Variants in NELL1 observed in about 807,000 individuals in gnomAD.
NELL1 encodes the protein neural EGFL like 1.
Under a neutral mutation model 107.4 loss-of-function variants are expected in NELL1, and 76 were observed. The ratio of observed to expected loss-of-function variants is 0.71; its 90% CI spans 0.59 to 0.86. NELL1 has a LOEUF of 0.86. Among genes scored for constraint, NELL1 ranks in the 40% least tolerant of loss-of-function variants. The pLI, the probability that NELL1 is intolerant of heterozygous loss-of-function variation, is 0.00. For synonymous variants in NELL1, 353 were observed against 341.2 expected, an observed-to-expected ratio of 1.03 and a Z score of -0.38; for missense variants, 1,024 against 1,005.5, an observed-to-expected ratio of 1.02 and a Z score of -0.25.
chr11:20,734,299 T>C (rs1006246932), intron 2 of NELL1, among the ~76,000 whole-genome samples: 3 of 152,168 alleles, frequency 2.0e-5, no homozygotes, highest in Non-Finnish European at 4.4e-5. Context: ...TTGTTTTCCA[T>C]GGGTGGGAAG....
chr11:20,825,862 T>C (rs1027456187), intron 3 of NELL1, among the ~76,000 whole-genome samples: 1 of 151,250 alleles, frequency 6.6e-6, no homozygotes, highest in Non-Finnish European at 1.5e-5. Flanking sequence ...TGGAATGATA[T>C]GGTCCGGCTC....
chr11:20,822,555 TG>T, intron 3 of NELL1, among the ~76,000 whole-genome samples: 1 of 152,306 alleles, frequency 6.6e-6, no homozygotes, highest in Middle Eastern at 3.4e-3. Flanking sequence ...ACCTCAGAGA[TG>T]TTTTAATAGA....
chr11:21,356,938 A>T (rs2133730034), intron 14 of NELL1, among the ~76,000 whole-genome samples: 1 of 152,326 alleles, frequency 6.6e-6, no homozygotes, highest in African/African-American at 2.4e-5. Context: ...TTCACTTAGA[A>T]TAATGGTCTC....
chr11:21,015,377 G>T (rs1852541156), intron 12 of NELL1, among the ~76,000 whole-genome samples: 1 of 152,032 alleles, frequency 6.6e-6, no homozygotes, highest in South Asian at 2.1e-4. Context: ...CTCATGACTT[G>T]CTCTGTAAAT....
intron 15 of NELL1, among the ~76,000 whole-genome samples, chr11:21,430,863 C>T (rs561899069): frequency 2.5e-4 from 38 of 152,208 alleles, no homozygotes; most frequent in Non-Finnish European, 7.4e-5. Context: ...ATGACCAGCC[C>T]TCCCCTACCA....
chr11:21,002,744 G>T (rs999886623), intron 12 of NELL1, among the ~76,000 whole-genome samples: 16 of 152,136 alleles, frequency 1.1e-4, no homozygotes, highest in African/African-American at 3.6e-4. Context: ...CTTCTTATAA[G>T]TCACCTTGGT....
In NELL1 at chr11:20,976,216, G is replaced by A. The variant is rs1302943490; in HGVS notation, c.1300+15656G>A. On this transcript the variant is annotated intron_variant, in intron 12 of 19. Coordinates refer to ENST00000357134, the MANE Select transcript of NELL1 (RefSeq NM_006157.5). Reference sequence around the variant, plus strand: ...TCTGTACATATATATGTACAGATATGTGTGTGTATATATATACATGTAATG... The same window carrying A: ...TCTGTACATATATATGTACAGATATATGTGTGTATATATATACATGTAATG... Among the ~76,000 whole-genome samples the A allele has an allele frequency of 5.3e-5, 8 of 150,860 alleles. No individual in the cohort carries two copies. In the East Asian group the frequency reaches 9.8e-4, roughly 18 times the overall value.
chr11:20,948,585 T>A (rs534363029), intron 11 of NELL1, among the ~76,000 whole-genome samples: 1 of 151,924 alleles, frequency 6.6e-6, no homozygotes, highest in Non-Finnish European at 1.5e-5. Context: ...TCCTTTTATC[T>A]AACTGTATTT....
intron 14 of NELL1, among the ~76,000 whole-genome samples, chr11:21,273,849 T>C (rs1324258066): frequency 6.6e-6 from 1 of 152,126 alleles, no homozygotes; most frequent in Non-Finnish European, 1.5e-5. Flanking sequence ...GACAAGCAAA[T>C]GCTGAGAGAT....
At chr11:21,378,716 C>CCTT (rs1851540161) in intron 15 of NELL1, among the ~76,000 whole-genome samples, 1 of 119,236 alleles carries the variant, frequency 8.4e-6, no homozygotes, top group African/African-American at 3.3e-5. Context: ...CACACTTGTA[C>CCTT]ATTTTTTTTT....
At chr11:21,364,179 G>A (rs1433156288) in intron 14 of NELL1, among the ~76,000 whole-genome samples, 1 of 152,056 alleles carries the variant, frequency 6.6e-6, no homozygotes, top group Non-Finnish European at 1.5e-5. Flanking sequence ...GGGAGGCCGA[G>A]GTGGGTGGAT....
At chr11:21,256,883 A>G (rs1344050191) in intron 14 of NELL1, among the ~76,000 whole-genome samples, 1 of 152,068 alleles carries the variant, frequency 6.6e-6, no homozygotes, top group East Asian at 1.9e-4. Flanking sequence ...AAGGCAAGAC[A>G]TCCAGTGTTG....
chr11:20,686,522 C>T (rs1590204073), intron 2 of NELL1, among the ~76,000 whole-genome samples: 2 of 151,990 alleles, frequency 1.3e-5, no homozygotes, highest in Admixed American at 6.6e-5. Flanking sequence ...CTGTCACTGC[C>T]GGGTGGTTGG....
chr11:21,403,756 G>T (rs1429747354), intron 15 of NELL1, among the ~76,000 whole-genome samples: 1 of 151,696 alleles, frequency 6.6e-6, no homozygotes, highest in Non-Finnish European at 1.5e-5. Flanking sequence ...AAAAAAGGAA[G>T]AATGGATGTT....
At chr11:20,730,854 C>A (rs1029147875) in intron 2 of NELL1, among the ~76,000 whole-genome samples, 11 of 152,082 alleles carry the variant, frequency 7.2e-5, no homozygotes, top group Admixed American at 6.6e-4. Flanking sequence ...ATAGTTTATA[C>A]CCAAGGAAGA....
chr11:21,557,457 A>G (rs1469675076), intron 16 of NELL1, among the ~76,000 whole-genome samples: 1 of 152,028 alleles, frequency 6.6e-6, no homozygotes, highest in Admixed American at 6.6e-5. Context: ...TTAGTTGTCA[A>G]TGTAGATATT....
intron 11 of NELL1, among the ~76,000 whole-genome samples, chr11:20,949,219 T>C (rs1564981583): frequency 2.0e-5 from 3 of 152,192 alleles, no homozygotes; most frequent in Non-Finnish European, 4.4e-5. Flanking sequence ...TGTTTCACCA[T>C]TGCATGTTTT....
chr11:21,234,455 C>T (rs1207207667), intron 14 of NELL1, among the ~76,000 whole-genome samples: 2 of 152,186 alleles, frequency 1.3e-5, no homozygotes, highest in African/African-American at 4.8e-5. Context: ...CTGACCAGTG[C>T]ACCATGATTG....
chr11:21,148,071 C>T lies in NELL1; in HGVS notation c.1426+34357C>T, dbSNP rs535655033. Among the ~76,000 whole-genome samples the T allele has an allele frequency of 2.0e-4, 30 of 152,116 alleles. No individual in the cohort carries two copies. The South Asian group carries it at 2.5e-3, about 13-fold the overall frequency. On this transcript the variant is annotated intron_variant, in intron 13 of 19. Transcript: ENST00000357134. ...TGTTAGCATTCCTAGTACCGTTTGA[C>T]GAGTATCTTAAGTGTGTGTGCCACA... is the stretch of plus-strand genomic sequence containing the variant.
Sources: allele counts gnomAD v4.1 joint callset (sites outside exome capture counted in the v4.1 genomes callset), GRCh38; gene constraint gnomAD v4.1.1; transcripts MANE v1.5; gene names NCBI Gene and HGNC (gene_info 2026-07-23, HGNC 2026-07-21).